The following EYS variants were observed in gnomAD, a reference collection of about 807,000 sequenced individuals.
EYS encodes the protein EGF-like photoreceptor maintenance factor.
EYS carries 250 observed loss-of-function variants against 282.1 expected under a neutral mutation model. The observed-to-expected ratio is 0.89, with a 90% CI of 0.80 to 0.98. The LOEUF is 0.98. Among genes scored for constraint, EYS ranks in the 50% least tolerant of loss-of-function variants. The pLI is 0.00. For synonymous variants in EYS, 1,355 were observed against 1,282.9 expected (o/e 1.06, Z -1.20); for missense variants, 4,016 against 3,709.0 (o/e 1.08, Z -2.15).
intron 11 of EYS, among the ~76,000 whole-genome samples, chr6:65,311,718 C>G (rs1424707350): frequency 6.6e-6 from 1 of 152,184 alleles, no homozygotes; most frequent in Non-Finnish European, 1.5e-5. Flanking sequence ...AACCATGTGA[C>G]CTACTAATAC....
intron 26 of EYS, among the ~76,000 whole-genome samples, chr6:64,476,240 T>C (rs1388218813): frequency 2.0e-5 from 3 of 152,190 alleles, no homozygotes; most frequent in Non-Finnish European, 4.4e-5. Context: ...CCTTTACTTG[T>C]AGTTAACTAT....
intron 28 of EYS, among the ~76,000 whole-genome samples, chr6:64,399,166 A>G (rs886917910): frequency 7.2e-5 from 11 of 151,746 alleles, no homozygotes; most frequent in Non-Finnish European, 1.3e-4. Context: ...GATATCAAAT[A>G]TATTTATTTG....
At chr6:65,155,132 G>T (rs1764702741) in intron 12 of EYS, among the ~76,000 whole-genome samples, 1 of 151,630 alleles carries the variant, frequency 6.6e-6, no homozygotes, top group Non-Finnish European at 1.5e-5. Flanking sequence ...CAGAATTACA[G>T]AAGGGTAGCA....
At chr6:65,084,336 G>A (rs1774306729) in intron 12 of EYS, among the ~76,000 whole-genome samples, 1 of 151,998 alleles carries the variant, frequency 6.6e-6, no homozygotes. Context: ...ATGAACAGTA[G>A]AAAATCAGTA....
intron 30 of EYS, among the ~76,000 whole-genome samples, chr6:64,277,737 T>C (rs185142864): frequency 0.01 from 1,585 of 152,194 alleles, 11 homozygotes; most frequent in Non-Finnish European, 0.018. Context: ...TGTAAATAAC[T>C]AAAAATTTGA....
intron 22 of EYS, among the ~76,000 whole-genome samples, chr6:64,781,374 A>T (rs866439638): frequency 1.3e-5 from 2 of 152,058 alleles, no homozygotes; most frequent in African/African-American, 4.8e-5. Flanking sequence ...GAGGCTCACT[A>T]TGTTTAACGA....
At chr6:65,504,824 G>C (rs9363380) in intron 2 of EYS, among the ~76,000 whole-genome samples, 1 of 151,298 alleles carries the variant, frequency 6.6e-6, no homozygotes, top group Admixed American at 6.6e-5. Flanking sequence ...AATATTTGTT[G>C]AGAATGTTGT....
At chr6:65,624,568 C>T (rs1240372335) in intron 2 of EYS, among the ~76,000 whole-genome samples, 5 of 152,108 alleles carry the variant, frequency 3.3e-5, no homozygotes, top group African/African-American at 1.2e-4. Context: ...AGGAGATTAA[C>T]ATTTGAGTTA....
intron 31 of EYS, among the ~76,000 whole-genome samples, chr6:64,085,162 G>C (rs545843819): frequency 6.6e-6 from 1 of 152,014 alleles, no homozygotes; most frequent in African/African-American, 2.4e-5. Flanking sequence ...ATTTTTAGTA[G>C]TGATGGGTTT....
At chr6:64,505,016 A>C (rs1292799379) in intron 26 of EYS, among the ~76,000 whole-genome samples, 3 of 152,228 alleles carry the variant, frequency 2.0e-5, no homozygotes, top group African/African-American at 7.2e-5. Context: ...TTGTGCTTTG[A>C]AAATTCCTGT....
At chr6:63,801,157 C>T (rs1306444405) in intron 37 of EYS, among the ~76,000 whole-genome samples, 2 of 151,610 alleles carry the variant, frequency 1.3e-5, no homozygotes, top group East Asian at 3.9e-4. Context: ...TCCCATGTAA[C>T]AAAGAGGAGA....
rs76109960 is a variant in EYS, at chr6:65,018,576, C to T, written c.2138-20873G>A. Among the ~76,000 whole-genome samples, 113 of 152,170 alleles carry T rather than the reference C, an allele frequency of 7.4e-4. 3 individuals carry two copies. The East Asian group carries it at 0.021, about 29-fold the overall frequency. The stretch of plus-strand genomic sequence containing the variant: ...AAGGTAATATTATTACAATAAAGTG[C>T]TAAGTAATTAGGACAACAATATAAT... On this transcript the variant is annotated intron_variant, in intron 13 of 42. Transcript: ENST00000503581.
At chr6:64,654,536 C>T (rs1282154095) in intron 22 of EYS, among the ~76,000 whole-genome samples, 1 of 152,102 alleles carries the variant, frequency 6.6e-6, no homozygotes, top group Non-Finnish European at 1.5e-5. Context: ...TCCGATTTGG[C>T]AGGATAAGTA....
chr6:64,290,072 G>A (rs978305469), intron 30 of EYS, among the ~76,000 whole-genome samples: 1 of 152,060 alleles, frequency 6.6e-6, no homozygotes, highest in Non-Finnish European at 1.5e-5. Context: ...GGCCAAGGAG[G>A]TTTTCTCTCT....
At chr6:64,087,957 T>C (rs1772214782) in intron 31 of EYS, among the ~76,000 whole-genome samples, 1 of 152,148 alleles carries the variant, frequency 6.6e-6, no homozygotes, top group African/African-American at 2.4e-5. Context: ...GGAGCACATC[T>C]ATTATATAAT....
At chr6:63,860,066 C>T (rs1029573693) in intron 36 of EYS, among the ~76,000 whole-genome samples, 2 of 152,080 alleles carry the variant, frequency 1.3e-5, no homozygotes, top group Non-Finnish European at 2.9e-5. Flanking sequence ...AACAGCTAGG[C>T]TTATTGGATT....
At chr6:65,353,420 A>T (rs1425813974) in intron 9 of EYS, 38 bp downstream of exon 9, 2 of 1,595,168 alleles carry the variant, frequency 1.3e-6, no homozygotes, top group Non-Finnish European at 1.7e-6. Flanking sequence ...TTTTGAAATG[A>T]TTCAAGCAGA....
intron 26 of EYS, among the ~76,000 whole-genome samples, chr6:64,442,296 A>T (rs1205316419): frequency 6.6e-6 from 1 of 152,104 alleles, no homozygotes; most frequent in African/African-American, 2.4e-5. Flanking sequence ...TGGCAGAAAA[A>T]ATTTCTAAGC....
chr6:65,440,891 GTTTA>G (rs1306807618), intron 5 of EYS, among the ~76,000 whole-genome samples: 1 of 145,622 alleles, frequency 6.9e-6, no homozygotes, highest in African/African-American at 2.5e-5. Context: ...TATTATATAT[GTTTA>G]TGTATAATAT....
Sources: gnomAD v4.1 joint callset for allele counts (sites outside exome capture counted in the v4.1 genomes callset) on GRCh38, gnomAD v4.1.1 for gene constraint, MANE v1.5 for transcripts, NCBI Gene and HGNC (gene_info 2026-07-23, HGNC 2026-07-21) for gene names.